The following PBX3 variants were observed in gnomAD, a reference collection of about 807,000 sequenced individuals.
The protein encoded by PBX3 is pre-B-cell leukemia transcription factor 3.
PBX3 carries 14 observed loss-of-function variants against 48.5 expected under a neutral mutation model. That is an observed-to-expected ratio of 0.29 (90% CI 0.19 to 0.45). The LOEUF (loss-of-function observed/expected upper bound fraction) is 0.45. PBX3 is among the 20% of genes least tolerant of loss of function. The probability of loss-of-function intolerance (pLI) is 1.00; values close to 1 mark genes in which losing one functional copy is unlikely to be tolerated. For synonymous variants in PBX3, 210 were observed against 200.3 expected (o/e 1.05, Z -0.41); for missense variants, 386 against 546.7 (o/e 0.71, Z 2.93).
Position 125,874,282 on chromosome 9 carries a change from A to G in PBX3, c.275-41404A>G, listed in dbSNP as rs191666621. Among the ~76,000 whole-genome samples, 128 of 152,314 alleles carry G rather than the reference A, an allele frequency of 8.4e-4. 1 individual carries two copies. The highest frequency in any genetic ancestry group is 3.4e-3 in the Middle Eastern group (1 of 294). ...AACATTCAATGAATTGATAATTTCA[A>G]TTTTACACAAATTATATACCGTTGT... On this transcript the variant is annotated intron_variant, in intron 2 of 8. Coordinates refer to ENST00000373489, the MANE Select transcript of PBX3 (RefSeq NM_006195.6).
intron 2 of PBX3, among the ~76,000 whole-genome samples, chr9:125,775,262 T>C (rs1276104905): frequency 6.6e-6 from 1 of 152,382 alleles, no homozygotes; most frequent in Admixed American, 6.5e-5. Context: ...GTTTTACTTT[T>C]CTTTTCTCTA....
intron 2 of PBX3, among the ~76,000 whole-genome samples, chr9:125,789,104 T>A (rs941282563): frequency 6.6e-6 from 1 of 152,224 alleles, no homozygotes; most frequent in African/African-American, 2.4e-5. Flanking sequence ...TAGTTCAAGT[T>A]AATTCATTTT....
chr9:125,796,856 A>G (rs890069762), intron 2 of PBX3, among the ~76,000 whole-genome samples: 1 of 152,110 alleles, frequency 6.6e-6, no homozygotes, highest in East Asian at 1.9e-4. Flanking sequence ...TGTAGTCCTT[A>G]TGGACGTACA....
At chr9:125,899,454 TAGAGAG>T (rs202004098) in intron 2 of PBX3, among the ~76,000 whole-genome samples, 6,512 of 103,744 alleles carry the variant, frequency 0.063, 810 homozygotes, top group African/African-American at 0.18. Flanking sequence ...TATATATATA[TAGAGAG>T]AGAGAGAGAG....
chr9:125,870,257 T>A (rs890748530), intron 2 of PBX3, among the ~76,000 whole-genome samples: 5 of 152,126 alleles, frequency 3.3e-5, no homozygotes, highest in African/African-American at 1.2e-4. Context: ...TTAGTAGAGA[T>A]GGGGTTTCAC....
intron 2 of PBX3, among the ~76,000 whole-genome samples, chr9:125,887,189 TA>T (rs1840522003): frequency 6.6e-6 from 1 of 152,190 alleles, no homozygotes; most frequent in Non-Finnish European, 1.5e-5. Flanking sequence ...TTCTTTATAA[TA>T]TAAATATATA....
At chr9:125,761,359 C>T (rs1326993451) in intron 2 of PBX3, among the ~76,000 whole-genome samples, 1 of 151,954 alleles carries the variant, frequency 6.6e-6, no homozygotes, top group Non-Finnish European at 1.5e-5. Context: ...AACATTGTTC[C>T]ATATCATTAC....
intron 2 of PBX3, among the ~76,000 whole-genome samples, chr9:125,776,952 A>G (rs1369522132): frequency 6.6e-6 from 1 of 151,848 alleles, no homozygotes; most frequent in African/African-American, 2.4e-5. Flanking sequence ...CTGCCTCCCA[A>G]AGTGCTGGAA....
At chr9:125,868,229 T>G (rs2132311469) in intron 2 of PBX3, among the ~76,000 whole-genome samples, 1 of 152,260 alleles carries the variant, frequency 6.6e-6, no homozygotes, top group African/African-American at 2.4e-5. Flanking sequence ...GCCAAGCACT[T>G]TGTATGAATT....
At chr9:125,871,313 A>T (rs1276282559) in intron 2 of PBX3, among the ~76,000 whole-genome samples, 1 of 149,368 alleles carries the variant, frequency 6.7e-6, no homozygotes, top group East Asian at 2.0e-4. Flanking sequence ...AATCACTTGA[A>T]CCCGGGAGGT....
intron 2 of PBX3, among the ~76,000 whole-genome samples, chr9:125,776,327 T>G (rs2132015717): frequency 6.6e-6 from 1 of 152,034 alleles, no homozygotes; most frequent in African/African-American, 2.4e-5. Context: ...GTCAAATAGT[T>G]TTTTTTTTCA....
intron 3 of PBX3, 117 bp downstream of exon 3, chr9:125,916,044 A>G (rs1841325130): frequency 2.9e-6 from 4 of 1,392,770 alleles, no homozygotes; most frequent in East Asian, 4.7e-5. Context: ...TACAAAATAA[A>G]TAAGGTCAGT....
At chr9:125,748,895 G>A in intron 2 of PBX3, 1 of 326,544 alleles carries the variant, frequency 3.1e-6, no homozygotes, top group Non-Finnish European at 5.7e-6. Context: ...GAGGGGGCCC[G>A]GAGCGCCAGC....
At chr9:125,753,285 CT>C (rs34449607) in intron 2 of PBX3, among the ~76,000 whole-genome samples, 78,967 of 148,108 alleles carry the variant, frequency 0.53, 22,604 homozygotes, top group East Asian at 0.76. Flanking sequence ...AATATTTTAC[CT>C]TTTTTTTTTT....
Position 125,915,922 on chromosome 9 carries a change from G to T in PBX3, c.511G>T (p.Glu171Ter). ...QIYHTELEKYEQACNEFTTHV... is the reference protein window; with the variant it reads ...QIYHTELEKY The stretch of plus-strand genomic sequence containing the variant: ...CTATCACACAGAACTGGAGAAATAT[G>T]AACAGGTCAGCAGCCGCCACTCTCA... Residue 171 changes from glutamate to a stop codon, truncating the protein, a stop_gained, in exon 3 of 9, where the codon GAA becomes TAA. Transcript: ENST00000373489. LOFTEE classifies it high-confidence loss of function. The T allele has an allele frequency of 6.2e-7, 1 of 1,612,710 alleles. No individual in the cohort carries two copies. The highest frequency in any genetic ancestry group is 1.1e-5 in the South Asian group (1 of 90,964).
chr9:125,856,733 T>C (rs1839734258), intron 2 of PBX3, among the ~76,000 whole-genome samples: 1 of 152,234 alleles, frequency 6.6e-6, no homozygotes, highest in Non-Finnish European at 1.5e-5. Flanking sequence ...AATTTGGGAA[T>C]GTTTGTAGCT....
Position 125,747,514 on chromosome 9 carries a change from G to T in PBX3, c.61G>T (p.Val21Leu). Residue 21 changes from valine to leucine, a missense_variant, in exon 1 of 9, where the codon GTG becomes TTG. By Grantham distance (32) the Val-to-Leu change is conservative (BLOSUM62 1). Transcript: ENST00000373489. ...CGGGGTGAACCTGGCTGGCCACTCGGTGCAGGGGGGCATGGCCCTGCCGCC... is the reference window on the plus strand; with the variant it reads ...CGGGGTGAACCTGGCTGGCCACTCGTTGCAGGGGGGCATGGCCCTGCCGCC... ...LAGVNLAGHS[V>L]QGGMALPPPP... is the part of the protein sequence containing the mutation. 1 of 1,598,920 alleles carries T rather than the reference G, an allele frequency of 6.3e-7. No homozygotes were observed. Among genetic ancestry groups the T allele is most frequent in the Non-Finnish European group, 8.5e-7 (1 of 1,173,528 alleles).
chr9:125,942,829 A>G (rs1841984949), intron 5 of PBX3, among the ~76,000 whole-genome samples: 1 of 152,324 alleles, frequency 6.6e-6, no homozygotes, highest in East Asian at 1.9e-4. Flanking sequence ...CAGGTTGTAA[A>G]AAATGGGAGC....
At chr9:125,859,012 G>A (rs550919313) in intron 2 of PBX3, among the ~76,000 whole-genome samples, 25 of 152,142 alleles carry the variant, frequency 1.6e-4, no homozygotes, top group Non-Finnish European at 2.6e-4. Flanking sequence ...ATGAGGTTGC[G>A]TGACTACAGC....
Sources: allele counts gnomAD v4.1 joint callset (sites outside exome capture counted in the v4.1 genomes callset), GRCh38; gene constraint gnomAD v4.1.1; transcripts MANE v1.5; gene names NCBI Gene and HGNC (gene_info 2026-07-23, HGNC 2026-07-21).